Variants in IGF2BP2 observed in about 807,000 individuals in gnomAD.
The protein encoded by IGF2BP2 is insulin like growth factor 2 mRNA binding protein 2.
In IGF2BP2, 17 loss-of-function variants were observed where a neutral mutation model predicts 75.8. That is an observed-to-expected ratio of 0.22 (90% confidence interval 0.15 to 0.34). The LOEUF is 0.34. Among genes scored for constraint, IGF2BP2 ranks in the 10% least tolerant of loss-of-function variants. The pLI is 1.00. For missense variants in IGF2BP2, 516 were observed against 772.4 expected, an observed-to-expected ratio of 0.67 and a Z score of 3.93; for synonymous variants, 288 against 295.6, an observed-to-expected ratio of 0.97 and a Z score of 0.26.
At chr3:185,774,210 C>T (rs1167859768) in intron 2 of IGF2BP2, among the ~76,000 whole-genome samples, 3 of 152,090 alleles carry the variant, frequency 2.0e-5, no homozygotes, top group Admixed American at 6.5e-5. Flanking sequence ...AGGAGGGAGA[C>T]GGTTACACAG....
At chr3:185,713,265 A>G (rs1192682526) in intron 2 of IGF2BP2, 2 of 354,398 alleles carry the variant, frequency 5.6e-6, no homozygotes, top group African/African-American at 2.1e-5. Flanking sequence ...GATGTTGGTT[A>G]ATTAGTAATA....
intron 2 of IGF2BP2, chr3:185,767,924 G>A (rs923918170): frequency 1.3e-5 from 2 of 153,076 alleles, no homozygotes; most frequent in Admixed American, 6.5e-5. Flanking sequence ...TAAATAGCAA[G>A]TGTCTTAATC....
At chr3:185,823,325 A>AG (rs1307342572) in intron 1 of IGF2BP2, 112 bp from the exon 2 acceptor site, 2 of 711,546 alleles carry the variant, frequency 2.8e-6, no homozygotes, top group East Asian at 5.9e-5. Flanking sequence ...GGCGCCCCCA[A>AG]GGGGTCTCCT....
At chr3:185,714,161 CTT>C (rs34348107) in intron 2 of IGF2BP2, among the ~76,000 whole-genome samples, 2 of 145,914 alleles carry the variant, frequency 1.4e-5, no homozygotes. Context: ...GAATACATTC[CTT>C]TTTTTTTTTA....
chr3:185,763,899 A>G (rs1480398131), intron 2 of IGF2BP2, among the ~76,000 whole-genome samples: 2 of 152,080 alleles, frequency 1.3e-5, no homozygotes, highest in Non-Finnish European at 2.9e-5. Flanking sequence ...ACGGGTGGAG[A>G]AGGGGCATGA....
At chr3:185,811,872 CT>C (rs1370641434) in intron 2 of IGF2BP2, among the ~76,000 whole-genome samples, 16 of 53,448 alleles carry the variant, frequency 3.0e-4, no homozygotes, top group East Asian at 2.5e-3. Flanking sequence ...CTCTCTCTCT[CT>C]CTCTCCCCCT....
chr3:185,667,397 G>C (rs1717811975), intron 10 of IGF2BP2, among the ~76,000 whole-genome samples: 1 of 152,132 alleles, frequency 6.6e-6, no homozygotes, highest in Non-Finnish European at 1.5e-5. Context: ...GATTGCTTGA[G>C]CCCAGGAATT....
chr3:185,783,709 T>A (rs1735504674), intron 2 of IGF2BP2, among the ~76,000 whole-genome samples: 1 of 152,186 alleles, frequency 6.6e-6, no homozygotes. Context: ...TCCCAGGGAT[T>A]CAGAGTGATG....
intron 2 of IGF2BP2, among the ~76,000 whole-genome samples, chr3:185,739,118 T>C (rs189246076): frequency 9.2e-4 from 140 of 152,310 alleles, no homozygotes; most frequent in Non-Finnish European, 1.7e-3. Flanking sequence ...TATATAAATA[T>C]CCATGTCTGG....
intron 10 of IGF2BP2, among the ~76,000 whole-genome samples, chr3:185,671,861 C>T (rs1176648746): frequency 1.3e-5 from 2 of 152,052 alleles, no homozygotes; most frequent in African/African-American, 2.4e-5. Flanking sequence ...AAGCAGTCTG[C>T]GTAGAGAAAA....
intron 6 of IGF2BP2, among the ~76,000 whole-genome samples, chr3:185,687,890 C>T (rs1721371426): frequency 6.6e-6 from 1 of 151,826 alleles, no homozygotes; most frequent in Admixed American, 6.6e-5. Flanking sequence ...AATGGGCACA[C>T]ACTTTGAGAG....
intron 2 of IGF2BP2, among the ~76,000 whole-genome samples, chr3:185,715,468 A>C (rs1725454249): frequency 6.6e-6 from 1 of 152,210 alleles, no homozygotes. Flanking sequence ...CACAGCCAGC[A>C]GCACTAACTT....
intron 2 of IGF2BP2, chr3:185,713,522 A>C (rs759109365): frequency 1.9e-6 from 1 of 519,654 alleles, no homozygotes. Context: ...CAGGGGTTTG[A>C]GGGGAGTGGG....
Position 185,776,393 on chromosome 3 carries a change from A to T in IGF2BP2, c.239+46760T>A, listed in dbSNP as rs188810038. Among the ~76,000 whole-genome samples, 197 of 152,322 alleles carry T rather than the reference A, an allele frequency of 1.3e-3. 1 individual carries two copies. The highest frequency in any genetic ancestry group is 2.4e-3 in the Non-Finnish European group (166 of 68,032). On this transcript the variant is annotated intron_variant, in intron 2 of 15. Coordinates refer to ENST00000382199, the MANE Select transcript of IGF2BP2 (RefSeq NM_006548.6). ...TTAAAGTGACAGGTCTTAGTTGTGG[A>T]TTGGATGTGAAGGATCAGAAAATGG... is the stretch of plus-strand genomic sequence containing the variant.
intron 2 of IGF2BP2, among the ~76,000 whole-genome samples, chr3:185,707,469 C>T (rs1054797436): frequency 8.6e-5 from 13 of 151,710 alleles, no homozygotes; most frequent in Non-Finnish European, 1.8e-4. Context: ...CTACCATGCC[C>T]GGCTAATTTT....
intron 2 of IGF2BP2, among the ~76,000 whole-genome samples, chr3:185,713,943 C>T (rs747185549): frequency 4.6e-5 from 7 of 152,202 alleles, no homozygotes; most frequent in East Asian, 3.9e-4. Flanking sequence ...TCAGGTGATC[C>T]GCCCATCTTG....
chr3:185,822,518 A>G (rs923346787), intron 2 of IGF2BP2, among the ~76,000 whole-genome samples: 1 of 152,224 alleles, frequency 6.6e-6, no homozygotes, highest in Non-Finnish European at 1.5e-5. Context: ...ATAACTATAG[A>G]TTTCACAAGG....
At chr3:185,682,655 T>C (rs910223934) in intron 7 of IGF2BP2, among the ~76,000 whole-genome samples, 1 of 152,126 alleles carries the variant, frequency 6.6e-6, no homozygotes, top group Non-Finnish European at 1.5e-5. Context: ...AAAGATGATA[T>C]ACAAATGGCC....
At chr3:185,814,636 AT>A (rs1359032790) in intron 2 of IGF2BP2, among the ~76,000 whole-genome samples, 1 of 152,182 alleles carries the variant, frequency 6.6e-6, no homozygotes, top group Non-Finnish European at 1.5e-5. Context: ...GAAAGTAATT[AT>A]TTTATCTCAT....
Sources: gnomAD v4.1 joint callset for allele counts (sites outside exome capture counted in the v4.1 genomes callset) on GRCh38, gnomAD v4.1.1 for gene constraint, MANE v1.5 for transcripts, NCBI Gene and HGNC (gene_info 2026-07-23, HGNC 2026-07-21) for gene names.